The following ACOXL variants were observed in gnomAD, a reference collection of about 807,000 sequenced individuals.
ACOXL encodes the protein acyl-CoA oxidase like.
Under a neutral mutation model 71.9 loss-of-function variants are expected in ACOXL, and 70 were observed. The observed-to-expected ratio is 0.97, with a 90% CI of 0.80 to 1.19. ACOXL has a LOEUF of 1.19. Ranked by LOEUF, ACOXL falls within the 50% of genes most tolerant of loss-of-function variation. The probability of loss-of-function intolerance (pLI) is 0.00; values close to 1 mark genes in which losing one functional copy is unlikely to be tolerated. For missense variants in ACOXL, 703 were observed against 736.3 expected (o/e 0.95, Z 0.52); for synonymous variants, 253 against 281.6 (o/e 0.90, Z 1.02).
intron 9 of ACOXL, among the ~76,000 whole-genome samples, chr2:110,819,521 A>C (rs1299657854): frequency 6.6e-6 from 1 of 152,148 alleles, no homozygotes; most frequent in Non-Finnish European, 1.5e-5. Context: ...CATTTAAAGG[A>C]TGAGCCCAAG....
Position 110,916,807 on chromosome 2 carries a change from G to C in ACOXL, c.905+7902G>C, listed in dbSNP as rs2059878371. On this transcript the variant is annotated intron_variant, in intron 11 of 17. Coordinates refer to ENST00000439055, the MANE Select transcript of ACOXL (RefSeq NM_001142807.4). ...CTACACAATTAAACTAGAAAATCTA[G>C]AAGAAATGGATAAATTCCTGGACAC... Among the ~76,000 whole-genome samples the C allele has an allele frequency of 3.9e-5, 6 of 152,148 alleles. No individual in the cohort carries two copies. In the South Asian group the frequency reaches 1.2e-3, roughly 32 times the overall value.
chr2:110,943,222 AAAG>A lies in ACOXL; in HGVS notation c.1059+9584_1059+9586del, dbSNP rs758804143. ...AGAGAAAGGAAAGGAAGAAGGAAGG[AAAG>A]AAGGAAGCAAGAAAGAGAAAGAAAA... On this transcript the variant is annotated intron_variant, in intron 12 of 17. Coordinates refer to ENST00000439055, the MANE Select transcript of ACOXL (RefSeq NM_001142807.4). 4.7e-5 allele frequency among the ~76,000 whole-genome samples: 7 copies of A among 149,856 alleles called. No individual in the cohort carries two copies. In the East Asian group the frequency reaches 6.0e-4, roughly 13 times the overall value.
chr2:111,117,359 G>A (rs1388978144), intron 17 of ACOXL, among the ~76,000 whole-genome samples: 1 of 152,214 alleles, frequency 6.6e-6, no homozygotes, highest in Non-Finnish European at 1.5e-5. Context: ...AAAGCCGACC[G>A]ACCCCACGTC....
At chr2:110,836,720 T>G (rs916734090) in intron 9 of ACOXL, among the ~76,000 whole-genome samples, 1 of 152,232 alleles carries the variant, frequency 6.6e-6, no homozygotes, top group African/African-American at 2.4e-5. Context: ...GATGTACAAT[T>G]CTTTAGGCCT....
At chr2:111,042,916 G>C (rs2065850890) in intron 15 of ACOXL, among the ~76,000 whole-genome samples, 1 of 152,246 alleles carries the variant, frequency 6.6e-6, no homozygotes, top group African/African-American at 2.4e-5. Flanking sequence ...GGTCGTGGCA[G>C]TGGGGGTCGA....
At chr2:110,881,836 T>C (rs955099524) in intron 10 of ACOXL, among the ~76,000 whole-genome samples, 7 of 152,226 alleles carry the variant, frequency 4.6e-5, no homozygotes, top group Non-Finnish European at 1.0e-4. Flanking sequence ...TAGATTCATA[T>C]TCAGTTGCAT....
chr2:110,987,089 C>A lies in ACOXL; in HGVS notation c.1060-19C>A. The A allele has an allele frequency of 6.5e-7, 1 of 1,549,584 alleles. No individual in the cohort carries two copies. The highest frequency in any genetic ancestry group is 1.2e-5 in the South Asian group (1 of 84,308). On this transcript the variant is annotated intron_variant, in intron 12 of 17. Coordinates refer to ENST00000439055, the MANE Select transcript of ACOXL (RefSeq NM_001142807.4). ...TTTTTACACTGCTGAGACTGATGAGCGATAAACTCTTTGCACAGGTTGTGG... is the reference window on the plus strand; with the variant it reads ...TTTTTACACTGCTGAGACTGATGAGAGATAAACTCTTTGCACAGGTTGTGG...
intron 10 of ACOXL, among the ~76,000 whole-genome samples, chr2:110,876,063 A>G (rs1695857872): frequency 6.6e-6 from 1 of 152,166 alleles, no homozygotes; most frequent in African/African-American, 2.4e-5. Flanking sequence ...CATCATATCT[A>G]GCTTCTTTCC....
At chr2:110,910,142 C>T (rs890332491) in intron 11 of ACOXL, among the ~76,000 whole-genome samples, 5 of 152,112 alleles carry the variant, frequency 3.3e-5, no homozygotes, top group African/African-American at 9.7e-5. Context: ...TTGCAGTTGA[C>T]CCTCACCTCT....
chr2:110,762,129 C>T (rs1426059389), intron 1 of ACOXL, among the ~76,000 whole-genome samples: 1 of 152,046 alleles, frequency 6.6e-6, no homozygotes, highest in African/African-American at 2.4e-5. Flanking sequence ...TTTCTGACAT[C>T]TACTCTAGCT....
chr2:110,845,826 C>T (rs980010708), intron 10 of ACOXL, among the ~76,000 whole-genome samples: 1 of 152,216 alleles, frequency 6.6e-6, no homozygotes, highest in African/African-American at 2.4e-5. Context: ...TTTCTCCATT[C>T]ATCCATCAGT....
Position 110,793,725 on chromosome 2 carries a change from C to G in ACOXL, c.235C>G (p.Gln79Glu). ...CCCTGAACATGTTACTAAGTGGTTTCAGCCACTCCAGGTATGGTATTTTCC... is the reference window on the plus strand; with the variant it reads ...CCCTGAACATGTTACTAAGTGGTTTGAGCCACTCCAGGTATGGTATTTTCC... ...GSPEHVTKWF[Q>E]PLQEQKYTGM... Residue 79 changes from glutamine (Q) to glutamate (E), a missense_variant, in exon 4 of 18, where the codon CAG (glutamine) becomes GAG (glutamate). Gln to Glu is a conservative substitution (Grantham distance 29, BLOSUM62 2). Transcript: ENST00000439055. 2 of 1,613,708 alleles carry G rather than the reference C, an allele frequency of 1.2e-6. No homozygotes were observed. The highest frequency in any genetic ancestry group is 1.7e-6 in the Non-Finnish European group (2 of 1,179,620).
chr2:111,061,837 A>C (rs1189559387), intron 16 of ACOXL, among the ~76,000 whole-genome samples: 2 of 152,106 alleles, frequency 1.3e-5, no homozygotes, highest in Admixed American at 1.3e-4. Flanking sequence ...AACTACTCAG[A>C]GAGATGCACC....
rs1428070659 is a variant in ACOXL, at chr2:110,776,790, G to C, written c.76-7942G>C. On this transcript the variant is annotated intron_variant, in intron 2 of 17. Transcript: ENST00000439055. ...TGGGAGGACTTGGAGGGACTGAGTG[G>C]AGCAGGACCTGTCTGACTGGGTCTC... Among the ~76,000 whole-genome samples, 8 of 152,044 alleles carry C rather than the reference G, an allele frequency of 5.3e-5. 1 individual carries two copies. The highest frequency in any genetic ancestry group is 2.9e-5 in the Non-Finnish European group (2 of 67,994).
In ACOXL at chr2:111,091,135, G is replaced by A. The variant is rs188113816; in HGVS notation, c.1441-1730G>A. Among the ~76,000 whole-genome samples, 49 of 152,188 alleles carry A rather than the reference G, an allele frequency of 3.2e-4. No individual in the cohort carries two copies. In the East Asian group the frequency reaches 9.5e-3, roughly 29 times the overall value. On this transcript the variant is annotated intron_variant, in intron 16 of 17. Coordinates refer to ENST00000439055, the MANE Select transcript of ACOXL (RefSeq NM_001142807.4). ...TCACAGCTCCTCTTAAAATGTCCCT[G>A]TTTACATAGCTTTTTCTTCCAGGAT...
At position 111,118,222 on chromosome 2, in the gene ACOXL, G is replaced by GAAA; in HGVS notation, c.*416_*418dup. 1.5e-5 allele frequency: 3 copies of GAAA among 201,260 alleles called. No individual in the cohort carries two copies. The highest frequency in any genetic ancestry group is 1.1e-4 in the South Asian group (1 of 9,074). 12.5% of individuals were successfully genotyped at this position (201,260 alleles called of 1,614,324 possible). ...AGAAAAACTGTGGTGCCGAGTGAAA[G>GAAA]AAAAAAAAAAAAGCAAACACCCTTA... On this transcript the variant is annotated 3_prime_UTR_variant, in exon 18 of 18. Coordinates refer to ENST00000439055, the MANE Select transcript of ACOXL (RefSeq NM_001142807.4).
intron 9 of ACOXL, among the ~76,000 whole-genome samples, chr2:110,833,767 A>G (rs1690126815): frequency 6.6e-6 from 1 of 151,884 alleles, no homozygotes. Context: ...TGGGTGGAGG[A>G]TTTTTTTTAC....
At chr2:111,093,449 A>T (rs765648972) in intron 17 of ACOXL, 2 of 1,613,858 alleles carry the variant, frequency 1.2e-6, no homozygotes, top group South Asian at 2.2e-5. Context: ...CAGCATACTC[A>T]TCAGTAAAAC....
At chr2:111,032,240 A>G (rs923781707) in intron 15 of ACOXL, among the ~76,000 whole-genome samples, 1 of 151,850 alleles carries the variant, frequency 6.6e-6, no homozygotes, top group African/African-American at 2.4e-5. Context: ...ATGTTTGGCA[A>G]TGTTTAGAGA....
Sources: allele counts gnomAD v4.1 joint callset (sites outside exome capture counted in the v4.1 genomes callset), GRCh38; gene constraint gnomAD v4.1.1; transcripts MANE v1.5; gene names NCBI Gene and HGNC (gene_info 2026-07-23, HGNC 2026-07-21).